The following GPR137B variants were observed in gnomAD, a reference collection of about 807,000 sequenced individuals.
GPR137B encodes the protein integral membrane protein GPR137B.
A neutral mutation model predicts 42.5 loss-of-function variants in GPR137B; 42 were observed. That is an observed-to-expected ratio of 0.99 (90% CI 0.77 to 1.28). The LOEUF is 1.28. Among genes scored for constraint, GPR137B ranks in the 50% most tolerant of loss-of-function variants. GPR137B has a pLI of 0.00. For synonymous variants in GPR137B, 218 were observed against 209.7 expected, an observed-to-expected ratio of 1.04 and a Z score of -0.34; for missense variants, 487 against 493.9, an observed-to-expected ratio of 0.99 and a Z score of 0.13.
intron 3 of GPR137B, 120 bp downstream of exon 3, chr1:236,178,756 T>C (rs1035383043): frequency 1.1e-5 from 6 of 527,476 alleles, no homozygotes; most frequent in Admixed American, 2.7e-5. Context: ...TTCTCCGTTT[T>C]ATTGTCTCCC....
chr1:236,180,393 T>A (rs776563105), intron 4 of GPR137B, among the ~76,000 whole-genome samples: 1 of 152,182 alleles, frequency 6.6e-6, no homozygotes, highest in Non-Finnish European at 1.5e-5. Flanking sequence ...ATTTCAGTGG[T>A]TCACATGGGA....
chr1:236,190,156 T>G (rs1663150362), intron 5 of GPR137B, among the ~76,000 whole-genome samples: 2 of 150,690 alleles, frequency 1.3e-5, no homozygotes, highest in African/African-American at 4.9e-5. Context: ...TTCTTTTTTT[T>G]TTTTTTTTTT....
intron 1 of GPR137B, among the ~76,000 whole-genome samples, chr1:236,154,725 C>A (rs970694968): frequency 2.6e-5 from 4 of 152,014 alleles, no homozygotes; most frequent in African/African-American, 9.7e-5. Flanking sequence ...TGAGGAGGGG[C>A]AAAAACAAAC....
rs927780202 is a variant in GPR137B, at chr1:236,142,918, A to C, written c.296A>C (p.Tyr99Ser). Residue 99 changes from tyrosine to serine, a missense_variant, in exon 1 of 7, where the codon TAC (tyrosine) becomes TCC (serine). Physicochemically the swap from Tyr to Ser is moderately radical, Grantham distance 144. Coordinates refer to ENST00000366592, the MANE Select transcript of GPR137B (RefSeq NM_003272.4). The stretch of plus-strand genomic sequence containing the variant: ...CTGCGGACCGTCCTCTTCTCCTTCT[A>C]CTTCAAAGACTTCGTGGCGGCCAAT... Reference protein sequence around the residue: ...ASLRTVLFSFYFKDFVAANSL... With the variant: ...ASLRTVLFSFSFKDFVAANSL... 15 of 1,614,068 alleles carry C rather than the reference A, an allele frequency of 9.3e-6. No homozygotes were observed. The highest frequency in any genetic ancestry group is 1.3e-5 in the Non-Finnish European group (15 of 1,179,992).
At chr1:236,193,628 C>T (rs1470922777) in intron 5 of GPR137B, among the ~76,000 whole-genome samples, 4 of 152,080 alleles carry the variant, frequency 2.6e-5, no homozygotes, top group Non-Finnish European at 4.4e-5. Flanking sequence ...CTAAGTTTGT[C>T]GAGGATCTTT....
At chr1:236,173,218 G>A (rs1050813825) in intron 2 of GPR137B, among the ~76,000 whole-genome samples, 17 of 151,108 alleles carry the variant, frequency 1.1e-4, no homozygotes, top group African/African-American at 4.1e-4. Flanking sequence ...TTGAGCCTAG[G>A]AGGTTGAAGC....
chr1:236,160,490 C>G (rs1316268259), intron 1 of GPR137B, among the ~76,000 whole-genome samples: 2 of 152,144 alleles, frequency 1.3e-5, no homozygotes, highest in Admixed American at 1.3e-4. Context: ...TCCACCCTTC[C>G]CTGCCTCCTG....
intron 5 of GPR137B, among the ~76,000 whole-genome samples, chr1:236,201,792 C>T (rs1663500753): frequency 1.3e-5 from 2 of 152,052 alleles, no homozygotes; most frequent in South Asian, 4.1e-4. Context: ...GGATCCATTG[C>T]TGGAGAGCTG....
chr1:236,185,236 C>T (rs1192605476), intron 5 of GPR137B, among the ~76,000 whole-genome samples: 2 of 152,084 alleles, frequency 1.3e-5, no homozygotes, highest in African/African-American at 4.8e-5. Context: ...TAACTCAAAC[C>T]CTTCAACTTT....
intron 1 of GPR137B, among the ~76,000 whole-genome samples, chr1:236,164,136 TGCCTGTGTATTTCTCTGGGACAG>T (rs1558482927): frequency 6.6e-6 from 1 of 152,202 alleles, no homozygotes; most frequent in Non-Finnish European, 1.5e-5. Context: ...CATGTCTGTC[TGCCTGTGTATTTCTCTGGGACAG>T]GCCCAGCTTC....
At chr1:236,189,213 CTTCT>C in intron 5 of GPR137B, among the ~76,000 whole-genome samples, 1 of 151,926 alleles carries the variant, frequency 6.6e-6, no homozygotes, top group Non-Finnish European at 1.5e-5. Context: ...TCTCTCTTTT[CTTCT>C]TTATTAGTCT....
chr1:236,186,269 T>TTATATATTA (rs2102915882), intron 5 of GPR137B, among the ~76,000 whole-genome samples: 2 of 69,978 alleles, frequency 2.9e-5, no homozygotes, highest in African/African-American at 1.2e-4. Flanking sequence ...ATATTATATA[T>TTATATATTA]TATATATAAT....
In GPR137B at chr1:236,180,040, C is replaced by A; in HGVS notation, c.837+12C>A. ...ATGTATCAGACCAGGTCAGTGGGGG[C>A]GCTGAGGAGGTGTCACCTGACCAGG... On this transcript the variant is annotated intron_variant, in intron 4 of 6. Coordinates refer to ENST00000366592, the MANE Select transcript of GPR137B (RefSeq NM_003272.4). The A allele has an allele frequency of 6.2e-7, 1 of 1,610,642 alleles. No homozygotes were observed. The highest frequency in any genetic ancestry group is 1.7e-5 in the Admixed American group (1 of 60,008).
intron 4 of GPR137B, among the ~76,000 whole-genome samples, chr1:236,181,841 A>G (rs1662884729): frequency 6.7e-6 from 1 of 149,764 alleles, no homozygotes; most frequent in Non-Finnish European, 1.5e-5. Context: ...GACAATCATA[A>G]TACACAAAGG....
At chr1:236,199,993 G>A (rs940854721) in intron 5 of GPR137B, among the ~76,000 whole-genome samples, 3 of 151,902 alleles carry the variant, frequency 2.0e-5, no homozygotes, top group Admixed American at 6.6e-5. Context: ...GGAATTTAAT[G>A]CTGTCAACTT....
chr1:236,169,364 G>A (rs1662467223), intron 2 of GPR137B, among the ~76,000 whole-genome samples: 1 of 152,232 alleles, frequency 6.6e-6, no homozygotes, highest in African/African-American at 2.4e-5. Context: ...AGTGCCCATT[G>A]AACCCTAAGT....
intron 6 of GPR137B, among the ~76,000 whole-genome samples, chr1:236,206,449 T>C (rs996029604): frequency 3.3e-5 from 5 of 152,222 alleles, no homozygotes; most frequent in Admixed American, 6.5e-5. Flanking sequence ...TGAGTTTTAA[T>C]AGCAGGAGTC....
chr1:236,172,624 CTGTT>C (rs997525773), intron 2 of GPR137B, among the ~76,000 whole-genome samples: 2 of 151,176 alleles, frequency 1.3e-5, no homozygotes, highest in African/African-American at 4.9e-5. Flanking sequence ...TCATTTCCAA[CTGTT>C]TGCCCTCTAG....
chr1:236,173,306 GAAGA>G (rs1351501644), intron 2 of GPR137B, among the ~76,000 whole-genome samples: 98 of 133,056 alleles, frequency 7.4e-4, no homozygotes, highest in African/African-American at 2.5e-3. Flanking sequence ...AAAAAAAAAA[GAAGA>G]AAGAAAAGGA....
Sources: gnomAD v4.1 joint callset for allele counts (sites outside exome capture counted in the v4.1 genomes callset) on GRCh38, gnomAD v4.1.1 for gene constraint, MANE v1.5 for transcripts, NCBI Gene and HGNC (gene_info 2026-07-23, HGNC 2026-07-21) for gene names.